GRM8: variants seen among roughly 807,000 people sequenced by gnomAD.
GRM8 encodes glutamate metabotropic receptor 8.
GRM8 carries 47 observed loss-of-function variants against 87.2 expected under a neutral mutation model. That is an observed-to-expected ratio of 0.54 (90% CI 0.43 to 0.69). The LOEUF (loss-of-function observed/expected upper bound fraction) is 0.69. GRM8 is among the 30% of genes least tolerant of loss of function. The probability of loss-of-function intolerance (pLI) is 0.00; values close to 1 mark genes in which losing one functional copy is unlikely to be tolerated. For missense variants in GRM8, 1,019 were observed against 1,139.2 expected, an observed-to-expected ratio of 0.89 and a Z score of 1.52; for synonymous variants, 396 against 404.5, an observed-to-expected ratio of 0.98 and a Z score of 0.25.
chr7:127,117,077 G>GA (rs1289872629), intron 2 of GRM8, among the ~76,000 whole-genome samples: 2 of 151,744 alleles, frequency 1.3e-5, no homozygotes, highest in Admixed American at 6.6e-5. Context: ...CAAGAGTCCA[G>GA]AAAAAAAATA....
intron 3 of GRM8, among the ~76,000 whole-genome samples, chr7:126,906,424 G>T (rs1262029748): frequency 1.3e-5 from 2 of 152,114 alleles, no homozygotes; most frequent in African/African-American, 4.8e-5. Flanking sequence ...CCAGTGATTT[G>T]CTCACCTCAT....
chr7:126,979,418 A>G (rs1811311564), intron 3 of GRM8, among the ~76,000 whole-genome samples: 2 of 152,196 alleles, frequency 1.3e-5, no homozygotes. Flanking sequence ...AATACATAGA[A>G]GTATTTTTTA....
At chr7:126,865,379 A>G (rs1251476688) in intron 6 of GRM8, among the ~76,000 whole-genome samples, 2 of 152,198 alleles carry the variant, frequency 1.3e-5, no homozygotes, top group Non-Finnish European at 2.9e-5. Flanking sequence ...TATTCTTCTA[A>G]TCAAGAAAGA....
chr7:126,869,702 A>G (rs1192275537), intron 6 of GRM8: 1 of 152,148 alleles, frequency 6.6e-6, no homozygotes, highest in Non-Finnish European at 1.5e-5. Context: ...GTGGGCTTAA[A>G]GTGTTTAGTA....
At chr7:126,483,102 TATAA>T (rs1563056894) in intron 9 of GRM8, among the ~76,000 whole-genome samples, 1 of 147,900 alleles carries the variant, frequency 6.8e-6, no homozygotes, top group Non-Finnish European at 1.5e-5. Context: ...TTATTTGTTA[TATAA>T]ATATATAACT....
chr7:126,520,759 CG>C (rs1812864424), intron 9 of GRM8, among the ~76,000 whole-genome samples: 1 of 152,072 alleles, frequency 6.6e-6, no homozygotes, highest in Non-Finnish European at 1.5e-5. Context: ...GGTAATTTGA[CG>C]GCCTTCTTTG....
chr7:126,446,439 T>TGA, intron 9 of GRM8, 67 bp from the exon 10 acceptor site: 1 of 1,047,590 alleles, frequency 9.5e-7, no homozygotes, highest in African/African-American at 1.6e-5. Flanking sequence ...GCAAATAACA[T>TGA]ACTATTTTCT....
intron 7 of GRM8, among the ~76,000 whole-genome samples, chr7:126,760,554 T>C (rs1276403140): frequency 6.6e-6 from 1 of 152,188 alleles, no homozygotes; most frequent in Non-Finnish European, 1.5e-5. Context: ...TGATGTTTCC[T>C]TCATCAGAAA....
At position 126,685,353 on chromosome 7, in the gene GRM8, G is replaced by A. The variant is rs1808055712; in HGVS notation, c.1358-75855C>T. ...GGGCCTGGGGTGGTACCATGCTTCA[G>A]GGAGCCTGCAAGAGCCCTGGACAAG... On this transcript the variant is annotated intron_variant, in intron 7 of 10. Transcript: ENST00000339582. The surrounding 1 kb of genome is among the most constrained non-coding windows in gnomAD (Gnocchi z 4.2). Among the ~76,000 whole-genome samples, 1 of 152,148 alleles carries A rather than the reference G, an allele frequency of 6.6e-6. No homozygotes were observed. The highest frequency in any genetic ancestry group is 1.5e-5 in the Non-Finnish European group (1 of 68,006).
At chr7:126,483,741 TTCCCTCCCTCCCTCCC>T (rs71177560) in intron 9 of GRM8, among the ~76,000 whole-genome samples, 39 of 57,322 alleles carry the variant, frequency 6.8e-4, no homozygotes, top group Admixed American at 3.6e-3. Flanking sequence ...CCCTTAGTAT[TTCCCTCCCTCCCTCCC>T]TCCCTCCCTC....
intron 1 of GRM8, among the ~76,000 whole-genome samples, chr7:127,251,774 G>T (rs542085328): frequency 6.6e-6 from 1 of 151,902 alleles, no homozygotes; most frequent in African/African-American, 2.4e-5. Context: ...GAGCTGTTGG[G>T]GTGCGTTTGC....
chr7:126,503,617 T>C lies in GRM8; in HGVS notation c.2430+29335A>G, dbSNP rs964982418. ...AAAGGTTTAAAATCTTTTAGCTTAA[T>C]GTGTACTTCAGAAATATGCATTATA... On this transcript the variant is annotated intron_variant, in intron 9 of 10. Transcript: ENST00000339582. Among the ~76,000 whole-genome samples, 16 of 152,224 alleles carry C rather than the reference T, an allele frequency of 1.1e-4. No individual in the cohort carries two copies. The East Asian group carries it at 3.1e-3, about 30-fold the overall frequency.
At chr7:127,154,948 T>C (rs1792630688) in intron 2 of GRM8, among the ~76,000 whole-genome samples, 1 of 152,132 alleles carries the variant, frequency 6.6e-6, no homozygotes, top group Admixed American at 6.6e-5. Context: ...ATAAGACTGT[T>C]CATTCTCCAA....
intron 3 of GRM8, among the ~76,000 whole-genome samples, chr7:126,978,427 G>A (rs1167293001): frequency 6.6e-6 from 1 of 152,140 alleles, no homozygotes; most frequent in Non-Finnish European, 1.5e-5. Flanking sequence ...TATTTACCCT[G>A]GAGATCTGAT....
At chr7:127,026,514 T>C (rs944178131) in intron 3 of GRM8, among the ~76,000 whole-genome samples, 3 of 152,188 alleles carry the variant, frequency 2.0e-5, no homozygotes, top group African/African-American at 7.2e-5. Flanking sequence ...GCATCTGTTG[T>C]TTCCTGACGT....
chr7:126,713,273 A>C (rs1164797258), intron 7 of GRM8, among the ~76,000 whole-genome samples: 1 of 152,210 alleles, frequency 6.6e-6, no homozygotes, highest in African/African-American at 2.4e-5. Context: ...GTCATAAAAA[A>C]GAATGAGTTC....
At chr7:126,694,731 A>T (rs1030271853) in intron 7 of GRM8, among the ~76,000 whole-genome samples, 4 of 152,210 alleles carry the variant, frequency 2.6e-5, no homozygotes, top group Admixed American at 1.3e-4. Context: ...AGTTACATTT[A>T]ATGACGCTTT....
intron 8 of GRM8, among the ~76,000 whole-genome samples, chr7:126,579,110 A>C (rs1795375016): frequency 6.6e-6 from 1 of 152,226 alleles, no homozygotes; most frequent in African/African-American, 2.4e-5. Context: ...AAATAAAAGA[A>C]AAAGAAAGAC....
At chr7:126,535,789 A>G (rs1815615301) in intron 8 of GRM8, among the ~76,000 whole-genome samples, 1 of 152,086 alleles carries the variant, frequency 6.6e-6, no homozygotes, top group Non-Finnish European at 1.5e-5. Flanking sequence ...CTACCTCATC[A>G]TGAAAACTCT....
Sources: gnomAD v4.1 joint callset for allele counts (sites outside exome capture counted in the v4.1 genomes callset) on GRCh38, gnomAD v4.1.1 for gene constraint, Gnocchi (gnomAD v3.1) non-coding constraint, MANE v1.5 for transcripts, NCBI Gene and HGNC (gene_info 2026-07-23, HGNC 2026-07-21) for gene names.